Variants in CDC5L observed in about 807,000 individuals in gnomAD.
The protein encoded by CDC5L is cell division cycle 5 like.
A neutral mutation model predicts 104.1 loss-of-function variants in CDC5L; 18 were observed. That is an observed-to-expected ratio of 0.17 (90% CI 0.12 to 0.26). The LOEUF (loss-of-function observed/expected upper bound fraction) is 0.26. Among genes scored for constraint, CDC5L ranks in the 10% least tolerant of loss-of-function variants. CDC5L has a pLI of 1.00. For synonymous variants in CDC5L, 331 were observed against 322.7 expected (o/e 1.03, Z -0.28); for missense variants, 673 against 956.9 (o/e 0.70, Z 3.91).
intron 5 of CDC5L, among the ~76,000 whole-genome samples, chr6:44,397,103 C>T (rs1790905088): frequency 6.6e-6 from 1 of 152,202 alleles, no homozygotes; most frequent in Admixed American, 6.5e-5. Context: ...CAGCCCTTCT[C>T]CCCTCCCCTG....
At chr6:44,426,070 G>C (rs371167601) in intron 11 of CDC5L, 33 bp from the exon 12 acceptor site, 4 of 1,431,330 alleles carry the variant, frequency 2.8e-6, no homozygotes, top group Non-Finnish European at 2.9e-6. Context: ...ATACGCTATA[G>C]CTGCAATAAA....
At chr6:44,444,522 C>T (rs13217685) in intron 14 of CDC5L, among the ~76,000 whole-genome samples, 2 of 152,112 alleles carry the variant, frequency 1.3e-5, no homozygotes, top group East Asian at 1.9e-4. Flanking sequence ...CTCAGGCTGC[C>T]TGAGGGGTAC....
chr6:44,440,372 GCTGGGACTACAGGTATGCA>G (rs1242953280), intron 14 of CDC5L, among the ~76,000 whole-genome samples: 2 of 151,638 alleles, frequency 1.3e-5, no homozygotes, highest in Admixed American at 6.6e-5. Context: ...CTCCCGAGTA[GCTGGGACTACAGGTATGCA>G]CCACCATGCC....
chr6:44,424,703 A>C, intron 11 of CDC5L, 120 bp downstream of exon 11: 1 of 828,476 alleles, frequency 1.2e-6, no homozygotes, highest in Non-Finnish European at 1.9e-6. Context: ...TATTGAAAAA[A>C]CTTCTAAAGT....
At chr6:44,431,493 C>T (rs1250862837) in intron 14 of CDC5L, among the ~76,000 whole-genome samples, 1 of 152,112 alleles carries the variant, frequency 6.6e-6, no homozygotes, top group Admixed American at 6.5e-5. Flanking sequence ...TGGAAAGCTT[C>T]TTTGTATTAT....
chr6:44,408,616 A>T lies in CDC5L; in HGVS notation c.1076A>T (p.Gln359Leu). The change falls in exon 8 of 16, where the codon CAG becomes CTG. Residue 359 changes from glutamine to leucine, a missense_variant. Around this residue, in one of 4 missense-constraint regions of CDC5L, gnomAD observed 578 missense variants for 737.0 expected, o/e 0.78. Transcript: ENST00000371477. ...AGAACACCACGAACACCAGCTTCCCAGGACAGAATTCTGCAGGTAACGTGT... is the reference window on the plus strand; with the variant it reads ...AGAACACCACGAACACCAGCTTCCCTGGACAGAATTCTGCAGGTAACGTGT... Reference protein sequence around the residue: ...ALRTPRTPASQDRILQEAQNL... With the variant: ...ALRTPRTPASLDRILQEAQNL... The T allele has an allele frequency of 1.2e-6, 2 of 1,601,316 alleles. No individual in the cohort carries two copies. The highest frequency in any genetic ancestry group is 1.7e-6 in the Non-Finnish European group (2 of 1,170,740).
chr6:44,431,747 T>C (rs963830589), intron 14 of CDC5L, among the ~76,000 whole-genome samples: 2 of 152,230 alleles, frequency 1.3e-5, no homozygotes, highest in Non-Finnish European at 2.9e-5. Context: ...ATTGGTCTTA[T>C]GAATTTTAAA....
In CDC5L at chr6:44,408,485, A is replaced by T; in HGVS notation, c.945A>T (p.Gln315His). The T allele has an allele frequency of 1.2e-6, 2 of 1,613,966 alleles. No individual in the cohort carries two copies. The highest frequency in any genetic ancestry group is 1.7e-6 in the Non-Finnish European group (2 of 1,179,858). The change falls in exon 8 of 16, where the codon CAA (glutamine) becomes CAT (histidine). Residue 315 changes from glutamine (Q) to histidine (H), a missense_variant. This residue lies in a region of CDC5L where 578 missense variants were observed against 737.0 expected (regional missense o/e 0.78). Coordinates refer to ENST00000371477, the MANE Select transcript of CDC5L (RefSeq NM_001253.4). ...TCCAGGAAGTTGTAAAAGTAGGCCAAGCGAGTGAAATTGCACGTCAAACTG... is the reference window on the plus strand; with the variant it reads ...TCCAGGAAGTTGTAAAAGTAGGCCATGCGAGTGAAATTGCACGTCAAACTG... Reference protein sequence around the residue: ...AELQEVVKVGQASEIARQTAE... With the variant: ...AELQEVVKVGHASEIARQTAE...
Position 44,445,799 on chromosome 6 carries a change from C to T in CDC5L, c.2236C>T (p.His746Tyr), listed in dbSNP as rs755120249. 49 of 1,613,902 alleles carry T rather than the reference C, an allele frequency of 3.0e-5. 2 individuals are homozygous for T. In the South Asian group the frequency reaches 4.1e-4, roughly 13 times the overall value. The change falls in exon 15 of 16, where the codon CAC (histidine) becomes TAC (tyrosine). Residue 746 changes from histidine to tyrosine, a missense_variant. His to Tyr is a moderately conservative substitution (Grantham distance 83, BLOSUM62 2). Coordinates refer to ENST00000371477, the MANE Select transcript of CDC5L (RefSeq NM_001253.4). ...NDLWDQIEQA[H>Y]LELRTFEELK... ...CTTATGGGACCAAATTGAACAGGCT[C>T]ACTTGGAGTTACGCACTTTTGAAGA...
intron 14 of CDC5L, among the ~76,000 whole-genome samples, chr6:44,439,333 T>C (rs1793075351): frequency 6.6e-6 from 1 of 152,232 alleles, no homozygotes; most frequent in African/African-American, 2.4e-5. Flanking sequence ...CAGGTTTTCG[T>C]GTGGACATGT....
intron 14 of CDC5L, among the ~76,000 whole-genome samples, chr6:44,442,789 A>G (rs555831592): frequency 7.2e-5 from 11 of 152,292 alleles, no homozygotes; most frequent in African/African-American, 2.6e-4. Flanking sequence ...CCTGGCCTGG[A>G]TAAGGGGTTA....
At chr6:44,420,433 A>G (rs1792112472) in intron 9 of CDC5L, among the ~76,000 whole-genome samples, 1 of 150,648 alleles carries the variant, frequency 6.6e-6, no homozygotes, top group African/African-American at 2.5e-5. Flanking sequence ...AACTCGGCTC[A>G]TCACAACCTC....
chr6:44,393,352 T>G, intron 3 of CDC5L, 94 bp from the exon 4 acceptor site: 1 of 1,207,028 alleles, frequency 8.3e-7, no homozygotes, highest in Middle Eastern at 2.1e-4. Context: ...ATTGGTTTTT[T>G]TGGGGGGAAA....
At position 44,449,969 on chromosome 6, in the gene CDC5L, A is replaced by G. The variant is rs1483288315; in HGVS notation, c.*3258A>G. ...AACCTCTGCCTCCTGGGCTCGAGTGATTCTCTGCCTCAGCCTTCCAAGTAG... is the reference window on the plus strand; with the variant it reads ...AACCTCTGCCTCCTGGGCTCGAGTGGTTCTCTGCCTCAGCCTTCCAAGTAG... On this transcript the variant is annotated 3_prime_UTR_variant, in exon 16 of 16. Transcript: ENST00000371477. The G allele has an allele frequency of 6.7e-6, 1 of 150,144 alleles. No homozygotes were observed. Among genetic ancestry groups the G allele is most frequent in the African/African-American group, 2.5e-5 (1 of 40,526 alleles). 9.3% of individuals were successfully genotyped at this position (150,144 alleles called of 1,614,324 possible). A position where few individuals can be genotyped will look rare whatever the true frequency, so the allele number is the denominator to read the frequency against.
intron 9 of CDC5L, among the ~76,000 whole-genome samples, chr6:44,421,561 TC>T (rs1414241055): frequency 2.0e-5 from 3 of 152,220 alleles, no homozygotes; most frequent in Admixed American, 2.0e-4. Context: ...GCATAATCCC[TC>T]ATTTCCTATG....
rs1483870824 is a variant in CDC5L, at chr6:44,426,084, T to C, written c.1570-19T>C. 7 of 1,540,492 alleles carry C rather than the reference T, an allele frequency of 4.5e-6. No homozygotes were observed. Among genetic ancestry groups the C allele is most frequent in the East Asian group, 4.5e-5 (2 of 44,304 alleles). ...AATACGCTATAGCTGCAATAAAGGA[T>C]ATAAAAATCATTTTTTAGGCCATAC... On this transcript the variant is annotated intron_variant, in intron 11 of 15. Transcript: ENST00000371477.
chr6:44,402,549 T>C (rs942726188), intron 5 of CDC5L, among the ~76,000 whole-genome samples: 18 of 152,238 alleles, frequency 1.2e-4, no homozygotes, highest in Admixed American at 1.2e-3. Context: ...GATACTGTTT[T>C]GTAACTTGTT....
chr6:44,431,259 G>T (rs1029231660), intron 14 of CDC5L, among the ~76,000 whole-genome samples: 1 of 152,114 alleles, frequency 6.6e-6, no homozygotes, highest in Non-Finnish European at 1.5e-5. Context: ...CTCATCTTGG[G>T]TAAAATCTTA....
rs1266030225 is a variant in CDC5L at position 44,449,364 on chromosome 6, T to C, written c.*2653T>C. The C allele has an allele frequency of 6.6e-6, 1 of 152,186 alleles. No individual in the cohort carries two copies. The highest frequency in any genetic ancestry group is 2.4e-5 in the African/African-American group (1 of 41,438). The allele number at this position is 152,186 out of a possible 1,614,324, so 9.4% of individuals were successfully genotyped here. On this transcript the variant is annotated 3_prime_UTR_variant, in exon 16 of 16. Coordinates refer to ENST00000371477, the MANE Select transcript of CDC5L (RefSeq NM_001253.4). ...GCGATTTTGGTGACTATTTTAACAT[T>C]CACACTGAGGCCAGGGGTGGTGAGT...
Sources: allele counts gnomAD v4.1 joint callset (sites outside exome capture counted in the v4.1 genomes callset), GRCh38; gene constraint gnomAD v4.1.1; regional missense constraint gnomAD v4.1.1; transcripts MANE v1.5; gene names NCBI Gene and HGNC (gene_info 2026-07-23, HGNC 2026-07-21).